GNAL: variants seen among roughly 807,000 people sequenced by gnomAD.
GNAL encodes the protein G protein subunit alpha L.
In GNAL, 18 loss-of-function variants were observed where a neutral mutation model predicts 55.1. That is an observed-to-expected ratio of 0.33 (90% CI 0.23 to 0.48). GNAL has a LOEUF of 0.48. Among genes scored for constraint, GNAL ranks in the 20% least tolerant of loss-of-function variants. GNAL has a pLI of 0.99. For synonymous variants in GNAL, 253 were observed against 237.0 expected, an observed-to-expected ratio of 1.07 and a Z score of -0.62; for missense variants, 412 against 614.1, an observed-to-expected ratio of 0.67 and a Z score of 3.48.
chr18:11,756,340 G>A (rs913875648), intron 4 of GNAL, among the ~76,000 whole-genome samples: 1 of 152,072 alleles, frequency 6.6e-6, no homozygotes, highest in Non-Finnish European at 1.5e-5. Flanking sequence ...GTTATTTTCA[G>A]AAAGCATAAT....
chr18:11,762,200 G>A (rs1373003164), intron 4 of GNAL, among the ~76,000 whole-genome samples: 5 of 152,186 alleles, frequency 3.3e-5, no homozygotes, highest in Non-Finnish European at 5.9e-5. Context: ...AAGATGGAAC[G>A]TGGCTTCCTG....
intron 5 of GNAL, among the ~76,000 whole-genome samples, chr18:11,842,492 AAT>A (rs376098346): frequency 6.6e-6 from 1 of 152,188 alleles, no homozygotes; most frequent in East Asian, 1.9e-4. Flanking sequence ...CATAATGTAG[AAT>A]CAGTGGGACC....
chr18:11,737,551 C>G (rs2032486452), intron 1 of GNAL, among the ~76,000 whole-genome samples: 1 of 152,186 alleles, frequency 6.6e-6, no homozygotes, highest in Non-Finnish European at 1.5e-5. Flanking sequence ...GCCCACTCTC[C>G]CCATCTCTCC....
At chr18:11,747,701 CTTAAA>C (rs1375709017) in intron 1 of GNAL, 1 of 150,476 alleles carries the variant, frequency 6.6e-6, no homozygotes, top group Non-Finnish European at 1.5e-5. Flanking sequence ...AAATAAAAGT[CTTAAA>C]TTAAAAAAAA....
chr18:11,770,247 GTA>G (rs1335854526), intron 4 of GNAL, among the ~76,000 whole-genome samples: 1 of 151,854 alleles, frequency 6.6e-6, no homozygotes, highest in Admixed American at 6.6e-5. Context: ...TTCAAACTGA[GTA>G]TGATTTGAAA....
intron 4 of GNAL, among the ~76,000 whole-genome samples, chr18:11,779,177 C>T (rs1463628550): frequency 2.0e-5 from 3 of 152,132 alleles, no homozygotes; most frequent in East Asian, 3.9e-4. Flanking sequence ...GAATGGGCCT[C>T]GTGCTACTGC....
At chr18:11,819,174 G>GAA (rs1299943863) in intron 4 of GNAL, among the ~76,000 whole-genome samples, 2 of 152,206 alleles carry the variant, frequency 1.3e-5, no homozygotes, top group African/African-American at 4.8e-5. Flanking sequence ...AATTATGCAA[G>GAA]AAATGTTATT....
intron 4 of GNAL, among the ~76,000 whole-genome samples, chr18:11,779,797 T>G (rs1279536955): frequency 6.6e-6 from 1 of 152,248 alleles, no homozygotes; most frequent in African/African-American, 2.4e-5. Flanking sequence ...CACCAAACTT[T>G]TGCTGAGAGT....
intron 5 of GNAL, chr18:11,852,530 A>C (rs1306241327): frequency 5.1e-6 from 1 of 194,186 alleles, no homozygotes; most frequent in African/African-American, 2.4e-5. Flanking sequence ...AAGATTACTT[A>C]GTTTGGTTAT....
At chr18:11,841,488 A>G (rs2035612204) in intron 5 of GNAL, among the ~76,000 whole-genome samples, 1 of 152,008 alleles carries the variant, frequency 6.6e-6, no homozygotes, top group Non-Finnish European at 1.5e-5. Context: ...TTTACTAAAA[A>G]TACAAAAATT....
intron 4 of GNAL, among the ~76,000 whole-genome samples, chr18:11,806,210 TAG>T (rs2143538768): frequency 6.6e-6 from 1 of 152,306 alleles, no homozygotes; most frequent in East Asian, 1.9e-4. Flanking sequence ...GGGGTTTTTG[TAG>T]AGTTGAGATT....
chr18:11,807,673 GCT>G (rs1352606390), intron 4 of GNAL, among the ~76,000 whole-genome samples: 1 of 152,204 alleles, frequency 6.6e-6, no homozygotes, highest in African/African-American at 2.4e-5. Context: ...AGAGGCCTAA[GCT>G]GGAGATGTCC....
At chr18:11,858,224 C>A (rs1009750307) in intron 5 of GNAL, among the ~76,000 whole-genome samples, 2 of 151,950 alleles carry the variant, frequency 1.3e-5, no homozygotes, top group Non-Finnish European at 2.9e-5. Context: ...AACATTTCTG[C>A]AAACATGAGT....
At chr18:11,877,213 G>A (rs1378118830) in intron 11 of GNAL, among the ~76,000 whole-genome samples, 2 of 152,300 alleles carry the variant, frequency 1.3e-5, no homozygotes, top group South Asian at 4.1e-4. Flanking sequence ...CAGCACTTTG[G>A]GAGGCTGAGG....
chr18:11,696,118 T>C (rs2031403260), intron 1 of GNAL, among the ~76,000 whole-genome samples: 1 of 152,212 alleles, frequency 6.6e-6, no homozygotes, highest in Non-Finnish European at 1.5e-5. Context: ...TCTTCGTTTT[T>C]TGCCACAGCC....
intron 7 of GNAL, 97 bp downstream of exon 7, chr18:11,864,703 A>G (rs1283930126): frequency 3.9e-5 from 30 of 772,050 alleles, no homozygotes; most frequent in South Asian, 3.7e-4. Flanking sequence ...CTGAATGTGC[A>G]TGGCAGCCCT....
At chr18:11,851,286 C>T in intron 5 of GNAL, 1 of 510,476 alleles carries the variant, frequency 2.0e-6, no homozygotes, top group South Asian at 3.3e-5. Context: ...CCCCTGCATG[C>T]GCAGCCCCTG....
At chr18:11,709,523 C>T (rs2143354800) in intron 1 of GNAL, among the ~76,000 whole-genome samples, 1 of 152,062 alleles carries the variant, frequency 6.6e-6, no homozygotes, top group African/African-American at 2.4e-5. Context: ...AGGTCTTTCT[C>T]CTCCTTGGTT....
chr18:11,717,087 C>G (rs2031986521), intron 1 of GNAL, among the ~76,000 whole-genome samples: 1 of 152,250 alleles, frequency 6.6e-6, no homozygotes, highest in Non-Finnish European at 1.5e-5. Context: ...CCCAGCCCTG[C>G]CACGCGGGAA....
Sources: gnomAD v4.1 joint callset for allele counts (sites outside exome capture counted in the v4.1 genomes callset) on GRCh38, gnomAD v4.1.1 for gene constraint, MANE v1.5 for transcripts, NCBI Gene and HGNC (gene_info 2026-07-23, HGNC 2026-07-21) for gene names.